The following KMT2E variants were observed in gnomAD, a reference collection of about 807,000 sequenced individuals.
KMT2E encodes the protein lysine methyltransferase 2E (inactive), also known as histone reader KMT2E.
KMT2E carries 30 observed loss-of-function variants against 184.6 expected under a neutral mutation model. That is an observed-to-expected ratio of 0.16 (90% CI 0.12 to 0.22). The LOEUF is 0.22. KMT2E is among the 10% of genes least tolerant of loss of function. The pLI is 1.00. For synonymous variants in KMT2E, 815 were observed against 776.5 expected, an observed-to-expected ratio of 1.05 and a Z score of -0.82; for missense variants, 2,023 against 2,237.4, an observed-to-expected ratio of 0.90 and a Z score of 1.93.
rs1355940911 is a variant in KMT2E at position 105,112,473 on chromosome 7, A to C, written c.4717A>C (p.Lys1573Gln). The change falls in exon 27 of 27, where the codon AAA (lysine) becomes CAA (glutamine). Residue 1573 changes from lysine (K) to glutamine (Q), a missense_variant. Physicochemically the swap from Lys to Gln is moderately conservative, Grantham distance 53. Coordinates refer to ENST00000311117, the MANE Select transcript of KMT2E (RefSeq NM_182931.3). ...AAACTTTCAGAATTATAATCAGCTC[A>C]AAGGTAGTCTTTCTCAACAAACTGT... is the stretch of plus-strand genomic sequence containing the variant. Reference protein sequence around the residue: ...SANFQNYNQLKGSLSQQTVFT... With the variant: ...SANFQNYNQLQGSLSQQTVFT... The C allele has an allele frequency of 1.2e-6, 2 of 1,613,830 alleles. No homozygotes were observed. Among genetic ancestry groups the C allele is most frequent in the African/African-American group, 2.7e-5 (2 of 74,834 alleles).
intron 5 of KMT2E, 36 bp downstream of exon 5, chr7:105,063,616 A>G: frequency 7.4e-7 from 1 of 1,343,462 alleles, no homozygotes; most frequent in South Asian, 1.4e-5. Context: ...ATTTTTCTTG[A>G]ATGCTGATAA....
chr7:105,070,632 C>CAAAAAAA (rs57911728), intron 6 of KMT2E, among the ~76,000 whole-genome samples: 1 of 59,528 alleles, frequency 1.7e-5, no homozygotes, highest in Non-Finnish European at 3.0e-5. Flanking sequence ...GACTGTGTCT[C>CAAAAAAA]AAAAAAAAAA....
At chr7:105,014,855 A>G (rs1284995949) in intron 1 of KMT2E, among the ~76,000 whole-genome samples, 1 of 152,022 alleles carries the variant, frequency 6.6e-6, no homozygotes, top group Non-Finnish European at 1.5e-5. Flanking sequence ...TTGAGTGAAG[A>G]CGGAGGCTTG....
chr7:105,020,107 C>CAA (rs779473152), intron 1 of KMT2E, among the ~76,000 whole-genome samples: 16 of 63,402 alleles, frequency 2.5e-4, no homozygotes, highest in East Asian at 1.7e-3. Context: ...GACTCTGTCT[C>CAA]AAAAAAAAAA....
At chr7:105,054,458 GTCTATCTATCTATCTATCTATCTATCTA>G (rs71152935) in intron 3 of KMT2E, among the ~76,000 whole-genome samples, 7 of 136,544 alleles carry the variant, frequency 5.1e-5, no homozygotes, top group South Asian at 2.3e-4. Flanking sequence ...CTGTCTGTCT[GTCTATCTATCTATCTATCTATCTATCTA>G]TCTATCTATC....
At chr7:105,081,939 G>T in intron 13 of KMT2E, 142 bp downstream of exon 13, 1 of 483,798 alleles carries the variant, frequency 2.1e-6, no homozygotes. Context: ...AAAACCAGAA[G>T]TTTAGTATCA....
chr7:105,059,515 C>CT (rs1796705577), intron 3 of KMT2E, among the ~76,000 whole-genome samples: 1 of 152,086 alleles, frequency 6.6e-6, no homozygotes, highest in African/African-American at 2.4e-5. Flanking sequence ...GAAATACTAC[C>CT]ATTTATGCAG....
chr7:105,064,685 A>C (rs1422558623), intron 5 of KMT2E, among the ~76,000 whole-genome samples: 1 of 152,174 alleles, frequency 6.6e-6, no homozygotes, highest in African/African-American at 2.4e-5. Flanking sequence ...TACCTTTCCA[A>C]ATGTAAAAAT....
rs373882355 is a variant in KMT2E, at chr7:105,073,337, C to T, written c.498-282C>T. Reference sequence around the variant, plus strand: ...CCTTGAACCTGGAAGGTTGAGGCTGCAGCAAACTGTGATTGCATCACTGCA... The same window carrying T: ...CCTTGAACCTGGAAGGTTGAGGCTGTAGCAAACTGTGATTGCATCACTGCA... On this transcript the variant is annotated intron_variant, in intron 6 of 26. Transcript: ENST00000311117. 4.7e-5 allele frequency among the ~76,000 whole-genome samples: 7 copies of T among 148,096 alleles called. No homozygotes were observed. The East Asian group carries it at 7.9e-4, about 17-fold the overall frequency.
chr7:105,103,165 G>T (rs1366951848), intron 17 of KMT2E: 1 of 152,166 alleles, frequency 6.6e-6, no homozygotes, highest in African/African-American at 2.4e-5. Context: ...TAAAAGAAGT[G>T]AAACTACTTT....
chr7:105,108,995 T>C lies in KMT2E; in HGVS notation c.3522T>C (p.Ser1174=), dbSNP rs970867440. 7 of 1,614,030 alleles carry C rather than the reference T, an allele frequency of 4.3e-6. No individual in the cohort carries two copies. In the African/African-American group the frequency reaches 8.0e-5, roughly 18 times the overall value. The change falls in exon 23 of 27, where the codon TCT becomes TCC. Residue 1174 remains serine (S), a synonymous_variant. Coordinates refer to ENST00000311117, the MANE Select transcript of KMT2E (RefSeq NM_182931.3). ...KRQREARKSG[S]KTENFPLISV... is the part of the protein sequence containing the mutation. ...AACGTGAAGCTAGGAAAAGTGGCTCTAAGACAGAGAACTTTCCACTCATTA... is the reference window on the plus strand; with the variant it reads ...AACGTGAAGCTAGGAAAAGTGGCTCCAAGACAGAGAACTTTCCACTCATTA...
rs780886970 is a variant in KMT2E at position 105,077,114 on chromosome 7, T to C, written c.920T>C (p.Leu307Ser). ...GAGGCACAAAGAATAGCTCTGAGAT[T>C]AGGCAATGGAAATGACAAAAAAGAG... ...QREAQRIALR[L>S]GNGNDKKEMN... The change falls in exon 10 of 27, where the codon TTA (leucine) becomes TCA (serine). Residue 307 changes from leucine (L) to serine (S), a missense_variant. By Grantham distance (145) the Leu-to-Ser change is moderately radical. Coordinates refer to ENST00000311117, the MANE Select transcript of KMT2E (RefSeq NM_182931.3). 1 of 1,614,068 alleles carries C rather than the reference T, an allele frequency of 6.2e-7. No individual in the cohort carries two copies. Among genetic ancestry groups the C allele is most frequent in the South Asian group, 1.1e-5 (1 of 91,084 alleles).
chr7:105,091,896 G>C (rs1160568368), intron 15 of KMT2E, among the ~76,000 whole-genome samples: 1 of 152,168 alleles, frequency 6.6e-6, no homozygotes, highest in Non-Finnish European at 1.5e-5. Flanking sequence ...TTTAGCATTT[G>C]ATCTGTCAGT....
intron 3 of KMT2E, among the ~76,000 whole-genome samples, chr7:105,047,895 C>T (rs188666492): frequency 6.6e-6 from 1 of 152,310 alleles, no homozygotes; most frequent in African/African-American, 2.4e-5. Context: ...GGGCTTAGAA[C>T]ACTTTTAACC....
chr7:105,071,202 C>G (rs953514540), intron 6 of KMT2E, among the ~76,000 whole-genome samples: 3 of 152,044 alleles, frequency 2.0e-5, no homozygotes, highest in Admixed American at 6.6e-5. Context: ...TTTTTGTACT[C>G]TATTCAACTA....
intron 6 of KMT2E, among the ~76,000 whole-genome samples, chr7:105,071,422 A>C (rs1033871558): frequency 6.7e-6 from 1 of 150,246 alleles, no homozygotes; most frequent in Non-Finnish European, 1.5e-5. Flanking sequence ...GCTGCAGTGC[A>C]GTGGTACGAT....
intron 3 of KMT2E, among the ~76,000 whole-genome samples, chr7:105,059,443 A>T (rs1488287219): frequency 6.6e-6 from 1 of 152,200 alleles, no homozygotes; most frequent in Admixed American, 6.5e-5. Flanking sequence ...GTTTGGTAGT[A>T]TCAGTTTTAT....
At position 105,113,420 on chromosome 7, in the gene KMT2E, G is replaced by C; in HGVS notation, c.*87G>C. ...CCTGTTAAGGTACTTTTTAAAGCTT[G>C]TACATGAACCTTTGTATAAAAAACA... On this transcript the variant is annotated 3_prime_UTR_variant, in exon 27 of 27. Coordinates refer to ENST00000311117, the MANE Select transcript of KMT2E (RefSeq NM_182931.3). 7.3e-7 allele frequency: 1 copy of C among 1,369,188 alleles called. No homozygotes were observed. Among genetic ancestry groups the C allele is most frequent in the Non-Finnish European group, 9.7e-7 (1 of 1,028,148 alleles). The allele number at this position is 1,369,188 out of a possible 1,614,324, so 84.8% of individuals were successfully genotyped here.
chr7:105,062,290 A>C lies in KMT2E; in HGVS notation c.186+12A>C. On this transcript the variant is annotated intron_variant, in intron 4 of 26. Coordinates refer to ENST00000311117, the MANE Select transcript of KMT2E (RefSeq NM_182931.3). Reference sequence around the variant, plus strand: ...GTTTGCCCTATGCGGTAAGTGTTAAACACTTCTTTGAAAAAACATTTTTAA... The same window carrying C: ...GTTTGCCCTATGCGGTAAGTGTTAACCACTTCTTTGAAAAAACATTTTTAA... The C allele has an allele frequency of 6.4e-7, 1 of 1,552,870 alleles. No homozygotes were observed. The highest frequency in any genetic ancestry group is 8.8e-7 in the Non-Finnish European group (1 of 1,130,662).
Sources: allele counts gnomAD v4.1 joint callset (sites outside exome capture counted in the v4.1 genomes callset), GRCh38; gene constraint gnomAD v4.1.1; transcripts MANE v1.5; gene names NCBI Gene and HGNC (gene_info 2026-07-23, HGNC 2026-07-21).